The following MSI2 variants were observed in gnomAD, a reference collection of about 807,000 sequenced individuals.
MSI2 encodes musashi RNA binding protein 2.
A neutral mutation model predicts 45.6 loss-of-function variants in MSI2; 17 were observed. That is an observed-to-expected ratio of 0.37 (90% CI 0.26 to 0.56). The LOEUF is 0.56. MSI2 is among the 20% of genes least tolerant of loss of function. The pLI, the probability that MSI2 is intolerant of heterozygous loss-of-function variation, is 0.77. For missense variants in MSI2, 293 were observed against 444.2 expected (o/e 0.66, Z 3.06); for synonymous variants, 156 against 158.2 (o/e 0.99, Z 0.11).
At chr17:57,307,139 C>G (rs1430949256) in intron 5 of MSI2, among the ~76,000 whole-genome samples, 1 of 152,224 alleles carries the variant, frequency 6.6e-6, no homozygotes, top group Non-Finnish European at 1.5e-5. Flanking sequence ...CTCTGTGCAA[C>G]CCCCTGTGAT....
chr17:57,520,254 TGAGCAG>T (rs1391838078), intron 6 of MSI2, among the ~76,000 whole-genome samples: 1 of 152,226 alleles, frequency 6.6e-6, no homozygotes, highest in African/African-American at 2.4e-5. Flanking sequence ...TCAGAATCTC[TGAGCAG>T]GAGGTTTTGC....
intron 5 of MSI2, among the ~76,000 whole-genome samples, chr17:57,310,459 A>G (rs9895026): frequency 0.96 from 145,976 of 152,100 alleles, 70,083 homozygotes; most frequent in African/African-American, 0.99. Flanking sequence ...TCAGCCTCCC[A>G]AGTAGCTGGG....
At chr17:57,506,824 G>A (rs577871767) in intron 6 of MSI2, among the ~76,000 whole-genome samples, 6 of 152,308 alleles carry the variant, frequency 3.9e-5, no homozygotes, top group South Asian at 2.1e-4. Flanking sequence ...TAGACAGGGC[G>A]TCTTGGGAGG....
chr17:57,304,980 G>A (rs1352178635), intron 5 of MSI2, among the ~76,000 whole-genome samples: 5 of 152,128 alleles, frequency 3.3e-5, no homozygotes, highest in East Asian at 3.9e-4. Context: ...TTTGTGGGAC[G>A]GGGGGATACA....
chr17:57,571,201 G>A (rs778113902), intron 7 of MSI2, among the ~76,000 whole-genome samples: 15 of 152,198 alleles, frequency 9.9e-5, no homozygotes, highest in South Asian at 2.1e-4. Context: ...ATTTAGCTCC[G>A]AGGAACCAGA....
At chr17:57,268,898 G>A (rs1359214235) in intron 5 of MSI2, among the ~76,000 whole-genome samples, 1 of 152,144 alleles carries the variant, frequency 6.6e-6, no homozygotes, top group Non-Finnish European at 1.5e-5. Flanking sequence ...CTGCACTTTT[G>A]TACATCGTGG....
rs1466030834 is a variant in MSI2, at chr17:57,310,580, C to T, written c.312+48388C>T. The stretch of plus-strand genomic sequence containing the variant: ...AACTCCTGACTTCAAGTGATCCACC[C>T]GCCTCGGCCTCCCAAAGTGCTGGGC... On this transcript the variant is annotated intron_variant, in intron 5 of 13. Coordinates refer to ENST00000284073, the MANE Select transcript of MSI2 (RefSeq NM_138962.4). Among the ~76,000 whole-genome samples, 9 of 152,284 alleles carry T rather than the reference C, an allele frequency of 5.9e-5. No homozygotes were observed. In the South Asian group the frequency reaches 1.2e-3, roughly 21 times the overall value.
chr17:57,285,604 G>A (rs1042942627), intron 5 of MSI2, among the ~76,000 whole-genome samples: 2 of 152,154 alleles, frequency 1.3e-5, no homozygotes, highest in African/African-American at 2.4e-5. Context: ...AATAAAGTTT[G>A]TGGAAGGTTC....
chr17:57,269,609 T>C (rs7216963), intron 5 of MSI2, among the ~76,000 whole-genome samples: 47,241 of 152,130 alleles, frequency 0.31, 10,725 homozygotes, highest in African/African-American at 0.63. Flanking sequence ...TACCTTCTGT[T>C]CTCTCCTCTT....
At chr17:57,388,633 A>AGCTGG (rs2083726980) in intron 5 of MSI2, among the ~76,000 whole-genome samples, 1 of 151,568 alleles carries the variant, frequency 6.6e-6, no homozygotes, top group South Asian at 2.1e-4. Flanking sequence ...CAGCCTCCCC[A>AGCTGG]CCCAATGGCC....
rs115780253 is a variant in MSI2 at position 57,559,914 on chromosome 17, C to T, written c.454+30190C>T. On this transcript the variant is annotated intron_variant, in intron 7 of 13. Transcript: ENST00000284073. Reference sequence around the variant, plus strand: ...AGGAGCAGGCAGCTCAGACCTGGGCCGGGCCACCTGTGCAGGTAACTCCTT... The same window carrying T: ...AGGAGCAGGCAGCTCAGACCTGGGCTGGGCCACCTGTGCAGGTAACTCCTT... Among the ~76,000 whole-genome samples the T allele has an allele frequency of 3.4e-3, 513 of 152,334 alleles. 4 individuals carry two copies. The highest frequency in any genetic ancestry group is 0.017 in the Middle Eastern group (5 of 294).
chr17:57,478,966 T>G (rs888189385), intron 6 of MSI2, among the ~76,000 whole-genome samples: 2 of 152,134 alleles, frequency 1.3e-5, no homozygotes, highest in Non-Finnish European at 2.9e-5. Flanking sequence ...TCCTATGCAC[T>G]GGGGTGGAAA....
At chr17:57,667,138 C>T (rs1013522034) in intron 11 of MSI2, among the ~76,000 whole-genome samples, 2 of 152,152 alleles carry the variant, frequency 1.3e-5, no homozygotes, top group Non-Finnish European at 2.9e-5. Context: ...CCCAGGGCTG[C>T]GTGCCCAGCT....
intron 5 of MSI2, among the ~76,000 whole-genome samples, chr17:57,353,317 G>A (rs889566806): frequency 6.6e-6 from 1 of 152,174 alleles, no homozygotes; most frequent in Non-Finnish European, 1.5e-5. Context: ...ACTGTGGGTA[G>A]GTGTAAAGCA....
At chr17:57,462,483 GA>G (rs1342776728) in intron 6 of MSI2, among the ~76,000 whole-genome samples, 1 of 152,192 alleles carries the variant, frequency 6.6e-6, no homozygotes, top group Admixed American at 6.6e-5. Context: ...GCCCTTCTCT[GA>G]CAAAACTTTT....
chr17:57,406,206 G>A (rs1298785859), intron 6 of MSI2, among the ~76,000 whole-genome samples: 1 of 152,082 alleles, frequency 6.6e-6, no homozygotes, highest in Admixed American at 6.5e-5. Flanking sequence ...CCAAAAAATG[G>A]CAGGTAAATG....
intron 7 of MSI2, among the ~76,000 whole-genome samples, chr17:57,587,363 G>A (rs1172156154): frequency 6.6e-6 from 1 of 152,230 alleles, no homozygotes; most frequent in East Asian, 1.9e-4. Context: ...GCATCCCTGA[G>A]CTGAAAAGGA....
At chr17:57,635,510 A>G (rs910953212) in intron 10 of MSI2, among the ~76,000 whole-genome samples, 1 of 152,262 alleles carries the variant, frequency 6.6e-6, no homozygotes, top group African/African-American at 2.4e-5. Flanking sequence ...CTAACCGCCA[A>G]AAGGCCTCTG....
chr17:57,669,800 G>T (rs1912647152), intron 11 of MSI2, among the ~76,000 whole-genome samples: 1 of 152,206 alleles, frequency 6.6e-6, no homozygotes, highest in Non-Finnish European at 1.5e-5. Flanking sequence ...ACTTGGCAAA[G>T]GTGGGCCCTC....
Sources: gnomAD v4.1 joint callset for allele counts (sites outside exome capture counted in the v4.1 genomes callset) on GRCh38, gnomAD v4.1.1 for gene constraint, MANE v1.5 for transcripts, NCBI Gene and HGNC (gene_info 2026-07-23, HGNC 2026-07-21) for gene names.